HIVEP3: variants seen among roughly 807,000 people sequenced by gnomAD.
The protein encoded by HIVEP3 is transcription factor HIVEP3.
HIVEP3 carries 49 observed loss-of-function variants against 152.8 expected under a neutral mutation model. The ratio of observed to expected loss-of-function variants is 0.32; its 90% CI spans 0.26 to 0.41. The LOEUF (loss-of-function observed/expected upper bound fraction) is 0.41. Among genes scored for constraint, HIVEP3 ranks in the 10% least tolerant of loss-of-function variants. HIVEP3 has a pLI of 1.00. For missense variants in HIVEP3, 2,790 were observed against 3,103.3 expected, an observed-to-expected ratio of 0.90 and a Z score of 2.40; for synonymous variants, 1,269 against 1,289.0, an observed-to-expected ratio of 0.98 and a Z score of 0.33.
In HIVEP3 at chr1:41,923,982, G is replaced by GC. The variant is rs1237404394; in HGVS notation, n.120-5459dup. 2.6e-5 allele frequency among the ~76,000 whole-genome samples: 4 copies of GC among 151,936 alleles called. No homozygotes were observed. The East Asian group carries it at 7.7e-4, about 29-fold the overall frequency. ...TACCATTGTGATAGGCTAATTACTG[G>GC]CCCCCAAAGATATCTACCCCCTAAT... On this transcript the variant is annotated intron_variant and non_coding_transcript_variant, in intron 1 of 3. Coordinates refer to the HIVEP3 transcript ENST00000489103.
intron 1 of HIVEP3, among the ~76,000 whole-genome samples, chr1:41,964,265 C>T (rs559990885): frequency 1.1e-4 from 17 of 152,232 alleles, no homozygotes; most frequent in Middle Eastern, 3.4e-3. Context: ...CCACGCAGAG[C>T]GAGGAAAAGC....
Position 41,907,834 on chromosome 1 carries a change from C to A in HIVEP3, c.-801+10579G>T, listed in dbSNP as rs557771231. ...GGCATGGAAGTTGAGTTCAGCCAAG[C>A]GCAACTCAGACACATGGGCAATGGA... On this transcript the variant is annotated intron_variant, in intron 1 of 8. Transcript: ENST00000372583. Among the ~76,000 whole-genome samples the A allele has an allele frequency of 2.9e-4, 44 of 152,296 alleles. No individual in the cohort carries two copies. In the South Asian group the frequency reaches 8.3e-3, roughly 29 times the overall value.
chr1:41,532,799 C>T (rs563502612), intron 5 of HIVEP3, among the ~76,000 whole-genome samples: 16 of 152,244 alleles, frequency 1.1e-4, no homozygotes, highest in East Asian at 1.9e-4. Context: ...CATGAAGAAA[C>T]GTCCTTGTGT....
Position 41,513,566 on chromosome 1 carries a change from G to A in HIVEP3, c.5655C>T (p.Gly1885=). The change falls in exon 8 of 9, where the codon GGC becomes GGT. Residue 1885 remains glycine (G), a synonymous_variant. Coordinates refer to ENST00000372583, the MANE Select transcript of HIVEP3 (RefSeq NM_024503.5). ...SRPSSEAPPP[G]PPHALRADSS... Reference sequence around the variant, plus strand: ...AGTCTGCCCGCAGTGCATGTGGTGGGCCAGGCGGGGGCGCCTCTGAGGATG... The same window carrying A: ...AGTCTGCCCGCAGTGCATGTGGTGGACCAGGCGGGGGCGCCTCTGAGGATG... 6.2e-7 allele frequency: 1 copy of A among 1,612,294 alleles called. No homozygotes were observed.
At chr1:41,884,680 G>A (rs1438907106) in intron 1 of HIVEP3, among the ~76,000 whole-genome samples, 1 of 152,234 alleles carries the variant, frequency 6.6e-6, no homozygotes, top group Non-Finnish European at 1.5e-5. Context: ...TTGCAAATGA[G>A]GAAAGCAGAG....
intron 1 of HIVEP3, among the ~76,000 whole-genome samples, chr1:41,877,920 TA>T (rs1340225914): frequency 3.3e-5 from 5 of 152,150 alleles, no homozygotes; most frequent in Non-Finnish European, 5.9e-5. Context: ...AATTTAGAAA[TA>T]TCTGATTTCT....
intron 1 of HIVEP3, among the ~76,000 whole-genome samples, chr1:41,906,544 A>C (rs920658327): frequency 6.6e-6 from 1 of 152,192 alleles, no homozygotes; most frequent in African/African-American, 2.4e-5. Flanking sequence ...GGAGGGACGA[A>C]CTAAGTGTGA....
intron 1 of HIVEP3, among the ~76,000 whole-genome samples, chr1:41,862,919 G>C (rs917348707): frequency 6.6e-6 from 1 of 152,224 alleles, no homozygotes; most frequent in African/African-American, 2.4e-5. Flanking sequence ...CCCAAGTGCA[G>C]TGGCTCACAG....
chr1:41,917,230 C>T (rs1644884720), intron 1 of HIVEP3, among the ~76,000 whole-genome samples: 1 of 152,154 alleles, frequency 6.6e-6, no homozygotes, highest in African/African-American at 2.4e-5. Flanking sequence ...CATAATCACA[C>T]AAACATGGGC....
chr1:41,791,200 G>T (rs1183821016), intron 1 of HIVEP3, among the ~76,000 whole-genome samples: 2 of 151,410 alleles, frequency 1.3e-5, no homozygotes, highest in Non-Finnish European at 2.9e-5. Flanking sequence ...TCCGCTCACT[G>T]TTCCTTCAAT....
chr1:41,758,345 A>G (rs1570472724), intron 1 of HIVEP3, among the ~76,000 whole-genome samples: 1 of 152,224 alleles, frequency 6.6e-6, no homozygotes, highest in African/African-American at 2.4e-5. Flanking sequence ...GAGAGAAGGC[A>G]TCAGTCCTGG....
rs77648068 is a variant in HIVEP3, at chr1:41,637,195, C to T, written c.-720-8248G>A. Among the ~76,000 whole-genome samples the T allele has an allele frequency of 8.8e-3, 1,347 of 152,310 alleles. 17 individuals carry two copies. The highest frequency in any genetic ancestry group is 0.031 in the African/African-American group (1,301 of 41,558). On this transcript the variant is annotated intron_variant, in intron 2 of 8. Coordinates refer to ENST00000372583, the MANE Select transcript of HIVEP3 (RefSeq NM_024503.5). ...ACACAAACATACACACACATGCACA[C>T]ATAGGGATGACCACTGTAGCACTAT...
chr1:41,973,665 G>T (rs962765697), intron 1 of HIVEP3, among the ~76,000 whole-genome samples: 93 of 152,332 alleles, frequency 6.1e-4, no homozygotes, highest in African/African-American at 2.1e-3. Context: ...TTCATTGAAA[G>T]CAGTTCACTA....
chr1:41,600,511 T>A (rs1013380295), intron 3 of HIVEP3, among the ~76,000 whole-genome samples: 2 of 152,140 alleles, frequency 1.3e-5, no homozygotes, highest in African/African-American at 4.8e-5. Flanking sequence ...AGTAATCAAA[T>A]TCATAGAGAC....
intron 1 of HIVEP3, among the ~76,000 whole-genome samples, chr1:41,853,534 A>G (rs1643664501): frequency 6.6e-6 from 1 of 152,156 alleles, no homozygotes; most frequent in African/African-American, 2.4e-5. Flanking sequence ...CCACGATTCA[A>G]TCACCTCCAC....
At chr1:41,601,072 T>A (rs1353599810) in intron 3 of HIVEP3, among the ~76,000 whole-genome samples, 1 of 152,222 alleles carries the variant, frequency 6.6e-6, no homozygotes, top group Non-Finnish European at 1.5e-5. Context: ...GCATATATAC[T>A]GGATTTATTT....
chr1:41,738,306 G>A (rs2124200721), intron 1 of HIVEP3, among the ~76,000 whole-genome samples: 1 of 152,294 alleles, frequency 6.6e-6, no homozygotes, highest in Non-Finnish European at 1.5e-5. Context: ...CCAGTCCTCA[G>A]AAATCAGTAA....
intron 1 of HIVEP3, among the ~76,000 whole-genome samples, chr1:41,759,116 T>A (rs1201278253): frequency 2.0e-5 from 3 of 151,262 alleles, no homozygotes; most frequent in Non-Finnish European, 4.4e-5. Context: ...CCTTTCCAGC[T>A]CCTGGCAACC....
intron 1 of HIVEP3, among the ~76,000 whole-genome samples, chr1:41,799,543 C>T (rs1650180845): frequency 6.6e-6 from 1 of 152,204 alleles, no homozygotes; most frequent in South Asian, 2.1e-4. Flanking sequence ...ATCAGCACTT[C>T]CCCAGACTAT....
Sources: gnomAD v4.1 joint callset for allele counts (sites outside exome capture counted in the v4.1 genomes callset) on GRCh38, gnomAD v4.1.1 for gene constraint, MANE v1.5 for transcripts, NCBI Gene and HGNC (gene_info 2026-07-23, HGNC 2026-07-21) for gene names.